The following AFF1 variants were observed in gnomAD, a reference collection of about 807,000 sequenced individuals.
AFF1 encodes AF4/FMR2 family member 1.
In AFF1, 48 loss-of-function variants were observed where a neutral mutation model predicts 121.7. The ratio of observed to expected loss-of-function variants is 0.39; its 90% CI spans 0.31 to 0.50. The LOEUF (loss-of-function observed/expected upper bound fraction) is 0.50, where lower values mean the gene tolerates loss of function less well. Ranked by LOEUF, AFF1 falls within the 20% of genes least tolerant of loss-of-function variation. AFF1 has a pLI of 0.76. For missense variants in AFF1, 1,523 were observed against 1,511.7 expected, an observed-to-expected ratio of 1.01 and a Z score of -0.12; for synonymous variants, 613 against 563.0, an observed-to-expected ratio of 1.09 and a Z score of -1.26.
chr4:87,096,390 CT>C (rs11301562), intron 8 of AFF1, among the ~76,000 whole-genome samples: 3,597 of 68,284 alleles, frequency 0.053, 113 homozygotes, highest in African/African-American at 0.15. Context: ...ACACACCCGG[CT>C]TTTTTTTTTT....
At chr4:87,125,009 A>AT (rs1171407251) in intron 12 of AFF1, 28 bp from the exon 13 acceptor site, 3 of 1,528,354 alleles carry the variant, frequency 2.0e-6, no homozygotes, top group Non-Finnish European at 2.7e-6. Context: ...GTTGGTAATA[A>AT]TTTGCTTTGC....
At chr4:86,984,931 A>G (rs1324018615) in intron 2 of AFF1, among the ~76,000 whole-genome samples, 80 of 151,882 alleles carry the variant, frequency 5.3e-4, no homozygotes, top group South Asian at 4.4e-3. Context: ...AAAAAATAAA[A>G]ATAAAAAAGA....
intron 2 of AFF1, among the ~76,000 whole-genome samples, chr4:87,043,919 A>G (rs2149607823): frequency 6.6e-6 from 1 of 152,214 alleles, no homozygotes; most frequent in East Asian, 1.9e-4. Flanking sequence ...CCTGGGTTCA[A>G]GCAGTTCTCC....
intron 2 of AFF1, among the ~76,000 whole-genome samples, chr4:87,022,644 ATG>A (rs1270843439): frequency 2.2e-5 from 3 of 139,226 alleles, no homozygotes; most frequent in Non-Finnish European, 4.7e-5. Flanking sequence ...GCGTGTATAT[ATG>A]TGTGTGTATA....
chr4:87,068,061 G>T (rs1721556222), intron 4 of AFF1, among the ~76,000 whole-genome samples: 1 of 103,666 alleles, frequency 9.6e-6, no homozygotes, highest in Non-Finnish European at 1.9e-5. Flanking sequence ...ATACTAAAGT[G>T]ACTGTTATGG....
In AFF1 at chr4:87,119,429, G is replaced by A. The variant is rs1056334021; in HGVS notation, c.2466+4130G>A. Reference sequence around the variant, plus strand: ...CACTGTCTCTGAAAAAAAAAAATTAGGCACAGTAGCGCATGCCTGAGGTCC... The same window carrying A: ...CACTGTCTCTGAAAAAAAAAAATTAAGCACAGTAGCGCATGCCTGAGGTCC... On this transcript the variant is annotated intron_variant, in intron 12 of 20. Transcript: ENST00000395146. 3.9e-5 allele frequency among the ~76,000 whole-genome samples: 6 copies of A among 152,106 alleles called. No homozygotes were observed. In the East Asian group the frequency reaches 1.2e-3, roughly 29 times the overall value.
chr4:87,108,379 T>G, intron 11 of AFF1, 64 bp downstream of exon 11: 2 of 1,561,288 alleles, frequency 1.3e-6, no homozygotes, highest in Non-Finnish European at 1.7e-6. Context: ...GAAGTTAGAG[T>G]CAGTGCTGTG....
At chr4:86,981,153 C>T (rs1578888989) in intron 2 of AFF1, among the ~76,000 whole-genome samples, 1 of 151,932 alleles carries the variant, frequency 6.6e-6, no homozygotes, top group African/African-American at 2.4e-5. Flanking sequence ...GCTGGGACCA[C>T]AGGTGCCCAC....
chr4:87,083,133 G>C (rs1723339015), intron 4 of AFF1, among the ~76,000 whole-genome samples: 1 of 152,068 alleles, frequency 6.6e-6, no homozygotes, highest in Non-Finnish European at 1.5e-5. Context: ...AAAAATAATT[G>C]ATTTTAATTT....
intron 11 of AFF1, among the ~76,000 whole-genome samples, chr4:87,112,065 T>TA (rs1646412716): frequency 6.6e-6 from 1 of 152,166 alleles, no homozygotes; most frequent in Non-Finnish European, 1.5e-5. Flanking sequence ...GTGGGTAAGA[T>TA]ATGTCCATAC....
intron 2 of AFF1, among the ~76,000 whole-genome samples, chr4:86,969,599 G>A (rs1219952954): frequency 6.8e-6 from 1 of 146,528 alleles, no homozygotes. Context: ...GGGTAAGATA[G>A]GCCCGGCGTG....
chr4:87,034,801 G>T (rs1318021159), intron 2 of AFF1, among the ~76,000 whole-genome samples: 1 of 18,002 alleles, frequency 5.6e-5, no homozygotes, highest in African/African-American at 8.3e-5. Flanking sequence ...TCAGTTTTAG[G>T]TATCAATGAG....
intron 12 of AFF1, among the ~76,000 whole-genome samples, chr4:87,124,475 A>C (rs1728023376): frequency 6.6e-6 from 1 of 152,218 alleles, no homozygotes. Flanking sequence ...ATATCTTTGT[A>C]GTCCTTTCTG....
chr4:86,971,440 A>T (rs183723789), intron 2 of AFF1, among the ~76,000 whole-genome samples: 16 of 152,338 alleles, frequency 1.1e-4, no homozygotes, highest in Middle Eastern at 3.4e-3. Context: ...TTCTTCCATA[A>T]CAAGGTGGGA....
chr4:87,058,330 T>C (rs1471891617), intron 4 of AFF1, among the ~76,000 whole-genome samples: 2 of 152,188 alleles, frequency 1.3e-5, no homozygotes. Context: ...CTTGCTTTCA[T>C]GTTGGCATCT....
At chr4:86,978,182 T>TTTC (rs1723456949) in intron 2 of AFF1, among the ~76,000 whole-genome samples, 1 of 97,904 alleles carries the variant, frequency 1.0e-5, no homozygotes, top group African/African-American at 3.7e-5. Flanking sequence ...ATTCACTTTT[T>TTTC]TTTTTTTTTT....
chr4:87,002,488 G>C (rs927959139), intron 2 of AFF1, among the ~76,000 whole-genome samples: 6 of 134,884 alleles, frequency 4.4e-5, no homozygotes, highest in African/African-American at 1.6e-4. Context: ...CTGGAGTGCA[G>C]TGGTGCGATC....
At chr4:86,995,234 A>G (rs1725024800) in intron 2 of AFF1, among the ~76,000 whole-genome samples, 1 of 149,308 alleles carries the variant, frequency 6.7e-6, no homozygotes, top group Admixed American at 6.6e-5. Context: ...CCTTTTCTCA[A>G]AAAACAAACA....
chr4:86,950,236 T>A, intron 2 of AFF1: 1 of 925,544 alleles, frequency 1.1e-6, no homozygotes, highest in Non-Finnish European at 1.7e-6. Flanking sequence ...TGGAGTGCAG[T>A]GCCATGATCT....
Sources: gnomAD v4.1 joint callset for allele counts (sites outside exome capture counted in the v4.1 genomes callset) on GRCh38, gnomAD v4.1.1 for gene constraint, MANE v1.5 for transcripts, NCBI Gene and HGNC (gene_info 2026-07-23, HGNC 2026-07-21) for gene names.